Variants in TTC28 observed in about 807,000 individuals in gnomAD.
The protein encoded by TTC28 is tetratricopeptide repeat domain 28.
Under a neutral mutation model 198.0 loss-of-function variants are expected in TTC28, and 61 were observed. The ratio of observed to expected loss-of-function variants is 0.31; its 90% CI spans 0.25 to 0.38. The LOEUF is 0.38. Ranked by LOEUF, TTC28 falls within the 10% of genes least tolerant of loss-of-function variation. The pLI, the probability that TTC28 is intolerant of heterozygous loss-of-function variation, is 1.00. For synonymous variants in TTC28, 1,171 were observed against 1,297.8 expected (o/e 0.90, Z 2.10); for missense variants, 2,678 against 3,164.0 (o/e 0.85, Z 3.69).
chr22:27,982,590 G>A lies in TTC28; in HGVS notation c.7077C>T (p.Asn2359=). Residue 2359 remains asparagine (N), a synonymous_variant, in exon 23 of 23, where the codon AAC becomes AAT. Transcript: ENST00000397906. This position sits in a 1 kb window ranked among gnomAD's most constrained non-coding sequence, Gnocchi z 5.2. ...GTGTGCTCTGCCAGAACATCTTCAG[G>A]TTATGGACAGCCTGCACCTTTTCAT... The part of the protein sequence containing the change: ...AIDEKVQAVH[N]LKMFWQSTPQ... 2 of 1,551,740 alleles carry A rather than the reference G, an allele frequency of 1.3e-6. No homozygotes were observed. Among genetic ancestry groups the A allele is most frequent in the South Asian group, 1.2e-5 (1 of 84,054 alleles).
At chr22:28,231,480 G>A (rs1928798131) in intron 5 of TTC28, among the ~76,000 whole-genome samples, 1 of 152,126 alleles carries the variant, frequency 6.6e-6, no homozygotes. Context: ...TATATAATTT[G>A]CATCTTTAAC....
intron 9 of TTC28, among the ~76,000 whole-genome samples, chr22:28,100,071 T>A (rs1942098937): frequency 6.6e-6 from 1 of 152,204 alleles, no homozygotes; most frequent in Non-Finnish European, 1.5e-5. Context: ...TTTTCCTTTT[T>A]TTTCCCCCTC....
intron 5 of TTC28, among the ~76,000 whole-genome samples, chr22:28,168,155 C>T (rs943669365): frequency 1.3e-4 from 20 of 152,262 alleles, no homozygotes; most frequent in African/African-American, 4.3e-4. Flanking sequence ...CAAACCACTG[C>T]TCAATGAAAC....
intron 2 of TTC28, among the ~76,000 whole-genome samples, chr22:28,476,796 A>G (rs573270056): frequency 2.1e-4 from 32 of 152,324 alleles, no homozygotes; most frequent in African/African-American, 7.5e-4. Flanking sequence ...AGAAAAATGA[A>G]TATATGTTTA....
chr22:28,344,012 C>T (rs2045871565), intron 2 of TTC28, among the ~76,000 whole-genome samples: 1 of 151,930 alleles, frequency 6.6e-6, no homozygotes, highest in Non-Finnish European at 1.5e-5. Context: ...TAAAATCCAA[C>T]AGAAAAAAAT....
chr22:28,236,303 T>C (rs554668649), intron 5 of TTC28, among the ~76,000 whole-genome samples: 1 of 152,316 alleles, frequency 6.6e-6, no homozygotes, highest in East Asian at 1.9e-4. Flanking sequence ...ATTCCCACAT[T>C]TGCATAATGT....
rs1322699089 is a variant in TTC28, at chr22:28,381,394, C to T, written c.382-74751G>A. 4.6e-5 allele frequency among the ~76,000 whole-genome samples: 7 copies of T among 152,094 alleles called. No individual in the cohort carries two copies. In the South Asian group the frequency reaches 8.3e-4, roughly 18 times the overall value. ...AACCTAAAAGAGATAAAATGTGTGACGCTCCTGGTATAAGATCAATGCTCA... is the reference window on the plus strand; with the variant it reads ...AACCTAAAAGAGATAAAATGTGTGATGCTCCTGGTATAAGATCAATGCTCA... On this transcript the variant is annotated intron_variant, in intron 2 of 22. Coordinates refer to ENST00000397906, the MANE Select transcript of TTC28 (RefSeq NM_001145418.2).
At chr22:28,488,726 G>A (rs2048340401) in intron 2 of TTC28, among the ~76,000 whole-genome samples, 1 of 152,094 alleles carries the variant, frequency 6.6e-6, no homozygotes. Context: ...TAAAAAAGAA[G>A]TCTCAGGTCT....
chr22:28,163,640 A>T, intron 5 of TTC28, 41 bp from the exon 6 acceptor site: 1 of 1,474,664 alleles, frequency 6.8e-7, no homozygotes. Context: ...AAAACACATC[A>T]GAATGGTTTT....
At chr22:28,421,054 A>C (rs2047245396) in intron 2 of TTC28, among the ~76,000 whole-genome samples, 1 of 152,188 alleles carries the variant, frequency 6.6e-6, no homozygotes, top group Non-Finnish European at 1.5e-5. Context: ...TTCCCTCAAA[A>C]TGATAAAAGC....
intron 2 of TTC28, among the ~76,000 whole-genome samples, chr22:28,577,261 C>A (rs1026289172): frequency 8.6e-5 from 13 of 152,002 alleles, no homozygotes; most frequent in Non-Finnish European, 1.8e-4. Flanking sequence ...TATTTAATTT[C>A]CATGTATTTC....
At chr22:28,523,909 A>G (rs2048957034) in intron 2 of TTC28, among the ~76,000 whole-genome samples, 1 of 152,002 alleles carries the variant, frequency 6.6e-6, no homozygotes, top group African/African-American at 2.4e-5. Flanking sequence ...TAATAATCTC[A>G]TATTTTTCTT....
At chr22:28,640,567 AAATAAT>A (rs139282856) in intron 1 of TTC28, among the ~76,000 whole-genome samples, 12 of 147,318 alleles carry the variant, frequency 8.1e-5, no homozygotes, top group East Asian at 2.0e-4. Context: ...CAAACTGTTA[AAATAAT>A]AATAATAATA....
At chr22:28,086,703 C>CA (rs1569130628) in intron 12 of TTC28, among the ~76,000 whole-genome samples, 2 of 151,958 alleles carry the variant, frequency 1.3e-5, no homozygotes, top group Non-Finnish European at 2.9e-5. Context: ...AAAAACCCTT[C>CA]AAAAAATTAA....
intron 2 of TTC28, among the ~76,000 whole-genome samples, chr22:28,515,955 G>C (rs2048777603): frequency 6.6e-6 from 1 of 152,032 alleles, no homozygotes; most frequent in African/African-American, 2.4e-5. Flanking sequence ...GACCAGCCTG[G>C]CCAACATGGC....
chr22:28,159,100 A>G (rs1470549355), intron 6 of TTC28, among the ~76,000 whole-genome samples: 1 of 152,240 alleles, frequency 6.6e-6, no homozygotes, highest in Non-Finnish European at 1.5e-5. Context: ...AAAAATGGGC[A>G]AAAGATTTGA....
intron 2 of TTC28, among the ~76,000 whole-genome samples, chr22:28,377,049 C>T (rs9306456): frequency 6.6e-6 from 1 of 150,804 alleles, no homozygotes; most frequent in African/African-American, 2.4e-5. Flanking sequence ...GTAACAGATT[C>T]TAAAGTTAAA....
intron 1 of TTC28, among the ~76,000 whole-genome samples, chr22:28,661,861 C>T (rs534629163): frequency 6.6e-6 from 1 of 152,102 alleles, no homozygotes; most frequent in Non-Finnish European, 1.5e-5. Context: ...CCTGCCTCGG[C>T]CTCCCAAAGT....
At chr22:28,329,737 T>G (rs866492156) in intron 2 of TTC28, among the ~76,000 whole-genome samples, 3 of 152,198 alleles carry the variant, frequency 2.0e-5, no homozygotes, top group Non-Finnish European at 4.4e-5. Flanking sequence ...TGGACCAATC[T>G]GGGCATAAAC....
Sources: allele counts gnomAD v4.1 joint callset (sites outside exome capture counted in the v4.1 genomes callset), GRCh38; gene constraint gnomAD v4.1.1; non-coding constraint Gnocchi (gnomAD v3.1); transcripts MANE v1.5; gene names NCBI Gene and HGNC (gene_info 2026-07-23, HGNC 2026-07-21).